Variants in TACC2 observed in about 807,000 individuals in gnomAD.
The protein encoded by TACC2 is transforming acidic coiled-coil containing protein 2.
A neutral mutation model predicts 227.3 loss-of-function variants in TACC2; 137 were observed. The ratio of observed to expected loss-of-function variants is 0.60; its 90% CI spans 0.52 to 0.69. The LOEUF is 0.69. Among genes scored for constraint, TACC2 ranks in the 30% least tolerant of loss-of-function variants. The probability of loss-of-function intolerance (pLI) is 0.00; values close to 1 mark genes in which losing one functional copy is unlikely to be tolerated. For synonymous variants in TACC2, 1,523 were observed against 1,487.5 expected, an observed-to-expected ratio of 1.02 and a Z score of -0.55; for missense variants, 3,470 against 3,694.4, an observed-to-expected ratio of 0.94 and a Z score of 1.57.
At chr10:122,132,450 A>G (rs2088489848) in intron 5 of TACC2, among the ~76,000 whole-genome samples, 159 bp from the exon 6 acceptor site, 1 of 152,224 alleles carries the variant, frequency 6.6e-6, no homozygotes, top group South Asian at 2.1e-4. Flanking sequence ...TCAGGAGGCC[A>G]AGGGAGGAGA....
At chr10:122,207,311 G>T (rs1048916685) in intron 8 of TACC2, among the ~76,000 whole-genome samples, 3 of 150,452 alleles carry the variant, frequency 2.0e-5, no homozygotes, top group Admixed American at 2.0e-4. Flanking sequence ...AAAAAAAAAT[G>T]CAGTAGGCGA....
chr10:122,139,206 C>T (rs962642883), intron 6 of TACC2, among the ~76,000 whole-genome samples: 1 of 152,220 alleles, frequency 6.6e-6, no homozygotes, highest in African/African-American at 2.4e-5. Context: ...AGCACGGGCT[C>T]TCTCTGTGAA....
rs935241255 is a variant in TACC2 at position 122,180,559 on chromosome 10, C to T, written c.5835-14481C>T. Among the ~76,000 whole-genome samples the T allele has an allele frequency of 6.6e-6, 1 of 151,994 alleles. No individual in the cohort carries two copies. Among genetic ancestry groups the T allele is most frequent in the Admixed American group, 6.6e-5 (1 of 15,262 alleles). On this transcript the variant is annotated intron_variant, in intron 7 of 22. Transcript: ENST00000369005. This position sits in a 1 kb window ranked among gnomAD's most constrained non-coding sequence, Gnocchi z 4.5. ...TTCACCATGTTAGCCAGGATGGTCT[C>T]GATCTCCTGACCTTGTGATCCACCT...
chr10:122,128,876 G>GTCTC (rs146242546), intron 5 of TACC2, among the ~76,000 whole-genome samples: 21 of 150,164 alleles, frequency 1.4e-4, no homozygotes, highest in Admixed American at 2.7e-4. Flanking sequence ...TGCTTGCGCT[G>GTCTC]TCTCTCTCTC....
intron 5 of TACC2, among the ~76,000 whole-genome samples, chr10:122,122,411 G>A (rs187504635): frequency 1.1e-3 from 172 of 151,426 alleles, no homozygotes; most frequent in Non-Finnish European, 2.0e-3. Flanking sequence ...CAGTGATGAG[G>A]AATCATAAAA....
chr10:122,003,735 G>A (rs1002106412), intron 1 of TACC2, among the ~76,000 whole-genome samples: 1 of 151,564 alleles, frequency 6.6e-6, no homozygotes, highest in Non-Finnish European at 1.5e-5. Flanking sequence ...GGCTCACTGC[G>A]AGCTCTGCCT....
intron 7 of TACC2, among the ~76,000 whole-genome samples, chr10:122,179,093 A>G (rs1047797233): frequency 2.6e-5 from 4 of 152,230 alleles, no homozygotes; most frequent in Admixed American, 2.6e-4. Context: ...GCTGAAAATC[A>G]TGATGAAGAG....
chr10:122,083,101 T>C lies in TACC2; in HGVS notation c.601T>C (p.Ser201Pro), dbSNP rs773211037. 2.5e-6 allele frequency: 4 copies of C among 1,612,878 alleles called. No homozygotes were observed. The highest frequency in any genetic ancestry group is 3.4e-6 in the Non-Finnish European group (4 of 1,180,034). Residue 201 changes from serine (S) to proline (P), a missense_variant, in exon 4 of 23, where the codon TCG (serine) becomes CCG (proline). Ser to Pro is a moderately conservative substitution (Grantham distance 74, BLOSUM62 -1). Coordinates refer to ENST00000369005, the MANE Select transcript of TACC2 (RefSeq NM_206862.4). ...TGGCATCGACCAGTCACCTGGAATG[T>C]CGCCAGTACCCCTCAGAGAGCCAAT... ...SSGIDQSPGMSPVPLREPMKA... is the reference protein window; with the variant it reads ...SSGIDQSPGMPPVPLREPMKA...
At position 122,216,689 on chromosome 10, in the gene TACC2, A is replaced by G. The variant is rs1330722147; in HGVS notation, c.7407A>G (p.Thr2469=). 2 of 1,614,126 alleles carry G rather than the reference A, an allele frequency of 1.2e-6. No individual in the cohort carries two copies. Among genetic ancestry groups the G allele is most frequent in the Non-Finnish European group, 1.7e-6 (2 of 1,180,032 alleles). ...PPVISAVVHA[T]DEEKLAVTNQ... is the part of the protein sequence containing the mutation. Reference sequence around the variant, plus strand: ...TGATCTCTGCGGTGGTCCACGCCACAGATGAGGAAAAGCTGGCGGTCACCA... The same window carrying G: ...TGATCTCTGCGGTGGTCCACGCCACGGATGAGGAAAAGCTGGCGGTCACCA... The change falls in exon 11 of 23, where the codon ACA becomes ACG. Residue 2469 remains threonine, a synonymous_variant. Transcript: ENST00000369005.
intron 5 of TACC2, among the ~76,000 whole-genome samples, chr10:122,102,842 T>G (rs1357666486): frequency 6.6e-6 from 1 of 152,232 alleles, no homozygotes. Flanking sequence ...GAGAGCCGTG[T>G]GCAGAGCTGC....
intron 5 of TACC2, among the ~76,000 whole-genome samples, chr10:122,089,867 A>G (rs12257252): frequency 0.055 from 8,367 of 152,256 alleles, 262 homozygotes; most frequent in South Asian, 0.12. Context: ...CATAGCTCTG[A>G]GCCAATGTGG....
chr10:122,108,021 A>G (rs1216600776), intron 5 of TACC2, among the ~76,000 whole-genome samples: 1 of 149,822 alleles, frequency 6.7e-6, no homozygotes, highest in Non-Finnish European at 1.5e-5. Context: ...CCTCCCGAGT[A>G]GCTGGGACTA....
chr10:122,043,827 G>A (rs755505881), intron 2 of TACC2, among the ~76,000 whole-genome samples: 7 of 152,170 alleles, frequency 4.6e-5, no homozygotes, highest in South Asian at 2.1e-4. Context: ...TGATCTGCCC[G>A]CCTCGGCCTC....
Position 122,217,064 on chromosome 10 carries a change from C to CT in TACC2, c.7546+237dup, listed in dbSNP as rs905819077. 1.4e-5 allele frequency: 10 copies of CT among 737,842 alleles called. No homozygotes were observed. In the African/African-American group the frequency reaches 1.6e-4, roughly 12 times the overall value. 45.7% of individuals were successfully genotyped at this position (737,842 alleles called of 1,614,324 possible). On this transcript the variant is annotated intron_variant, in intron 11 of 22. Coordinates refer to ENST00000369005, the MANE Select transcript of TACC2 (RefSeq NM_206862.4). The stretch of plus-strand genomic sequence containing the variant: ...CTGCTAAGAGCCAGCACGGTGCCCT[C>CT]TAACTCCACCTCAGGACTCCATCGA...
intron 7 of TACC2, among the ~76,000 whole-genome samples, chr10:122,177,407 G>A (rs1231599649): frequency 4.6e-5 from 7 of 152,106 alleles, no homozygotes; most frequent in Non-Finnish European, 7.3e-5. Context: ...AAATTATAAT[G>A]ATGGGAGGAT....
At chr10:122,127,098 G>T in intron 5 of TACC2, 1 of 168,098 alleles carries the variant, frequency 5.9e-6, no homozygotes, top group South Asian at 1.7e-4. Context: ...ATGAGACACT[G>T]AACCTGCTGG....
intron 7 of TACC2, among the ~76,000 whole-genome samples, chr10:122,177,369 T>C (rs2093767512): frequency 6.6e-6 from 1 of 151,996 alleles, no homozygotes; most frequent in African/African-American, 2.4e-5. Flanking sequence ...TGAAAAACAA[T>C]GAGATGTTTG....
At chr10:122,004,118 C>T (rs536119839) in intron 1 of TACC2, among the ~76,000 whole-genome samples, 1 of 152,154 alleles carries the variant, frequency 6.6e-6, no homozygotes, top group South Asian at 2.1e-4. Flanking sequence ...GTGTAGTTGG[C>T]CAGGCATGGT....
chr10:122,049,352 G>A (rs2075413705), intron 2 of TACC2, among the ~76,000 whole-genome samples: 1 of 152,216 alleles, frequency 6.6e-6, no homozygotes, highest in Admixed American at 6.5e-5. Flanking sequence ...AAGGCTGCAG[G>A]TGACTTCCCG....
Sources: gnomAD v4.1 joint callset for allele counts (sites outside exome capture counted in the v4.1 genomes callset) on GRCh38, gnomAD v4.1.1 for gene constraint, Gnocchi (gnomAD v3.1) non-coding constraint, MANE v1.5 for transcripts, NCBI Gene and HGNC (gene_info 2026-07-23, HGNC 2026-07-21) for gene names.